The following PVT1 variants were observed in gnomAD, a reference collection of about 807,000 sequenced individuals.
PVT1 encodes Pvt1 oncogene.
intron 3 of PVT1, among the ~76,000 whole-genome samples, chr8:127,942,236 C>T (rs1208846234): frequency 3.9e-5 from 6 of 152,180 alleles, no homozygotes; most frequent in Admixed American, 2.0e-4. Context: ...AGAATTTCCA[C>T]GGCTTGCCTA....
intron 3 of PVT1, among the ~76,000 whole-genome samples, chr8:127,899,224 C>G (rs1293601188): frequency 6.6e-6 from 1 of 152,190 alleles, no homozygotes; most frequent in African/African-American, 2.4e-5. Flanking sequence ...GGCTTTCTGG[C>G]TCTGTGAGCT....
intron 3 of PVT1, among the ~76,000 whole-genome samples, chr8:127,963,051 G>A (rs1816664926): frequency 6.6e-6 from 1 of 152,148 alleles, no homozygotes. Context: ...TTGAGATCGG[G>A]CTGGCCAGCT....
chr8:128,039,015 A>G (rs1370912797), intron 4 of PVT1, among the ~76,000 whole-genome samples: 1 of 152,154 alleles, frequency 6.6e-6, no homozygotes, highest in Non-Finnish European at 1.5e-5. Context: ...GGCAGAAGGA[A>G]GGGGAGGGAC....
At chr8:127,899,772 C>T (rs1480745500) in intron 3 of PVT1, among the ~76,000 whole-genome samples, 1 of 152,124 alleles carries the variant, frequency 6.6e-6, no homozygotes, top group Non-Finnish European at 1.5e-5. Context: ...GGTCCGCCTC[C>T]CTCTTGTGCT....
intron 3 of PVT1, among the ~76,000 whole-genome samples, chr8:127,984,895 TTCTTTCTTTCTTTCTTTCTTTCTTTC>T (rs1563657525): frequency 2.2e-4 from 21 of 97,646 alleles, no homozygotes; most frequent in African/African-American, 7.2e-4. Flanking sequence ...CTTTCTTTCT[TTCTTTCTTTCTTTCTTTCTTTCTTTC>T]TCTTTCTCTT....
chr8:127,911,930 G>A (rs1271717727), intron 3 of PVT1, among the ~76,000 whole-genome samples: 1 of 152,214 alleles, frequency 6.6e-6, no homozygotes, highest in Admixed American at 6.5e-5. Flanking sequence ...GTTTACGGGT[G>A]GTGCTCGTTT....
rs78307659 is a variant in PVT1, at chr8:127,857,592, A to G, written n.373-32997A>G. Reference sequence around the variant, plus strand: ...TAGGTGAAAGAGGAGGAGATGGGAGAATTGGTTGAGCTCTGGAGTTGGAAG... The same window carrying G: ...TAGGTGAAAGAGGAGGAGATGGGAGGATTGGTTGAGCTCTGGAGTTGGAAG... On this transcript the variant is annotated intron_variant and non_coding_transcript_variant, in intron 2 of 10. Coordinates refer to ENST00000651587, the Ensembl canonical transcript of PVT1. 8.9e-3 allele frequency among the ~76,000 whole-genome samples: 1,347 copies of G among 152,178 alleles called. 23 individuals carry two copies. The highest frequency in any genetic ancestry group is 0.031 in the African/African-American group (1,271 of 41,500).
At chr8:127,934,694 C>T (rs533631021) in intron 3 of PVT1, among the ~76,000 whole-genome samples, 5 of 151,608 alleles carry the variant, frequency 3.3e-5, no homozygotes, top group African/African-American at 9.8e-5. Flanking sequence ...AGATTTCTAA[C>T]AGGATGAAGA....
intron 4 of PVT1, among the ~76,000 whole-genome samples, chr8:128,052,880 A>G (rs1271897340): frequency 6.6e-6 from 1 of 152,262 alleles, no homozygotes; most frequent in Non-Finnish European, 1.5e-5. Context: ...AAGGCTAAGT[A>G]ATGTGGTCTA....
At chr8:128,005,428 G>T (rs576832035) in intron 4 of PVT1, among the ~76,000 whole-genome samples, 1 of 152,286 alleles carries the variant, frequency 6.6e-6, no homozygotes, top group Admixed American at 6.5e-5. Context: ...GTGGGGCTTG[G>T]TGCAAGTTTA....
intron 3 of PVT1, among the ~76,000 whole-genome samples, chr8:127,943,730 A>T (rs951097606): frequency 6.6e-6 from 1 of 152,194 alleles, no homozygotes; most frequent in Non-Finnish European, 1.5e-5. Context: ...AGAACCACTA[A>T]TCTAGAGACC....
intron 3 of PVT1, among the ~76,000 whole-genome samples, chr8:127,960,959 G>GGGGGGGGGGGGGGCC (rs1816635745): frequency 1.1e-5 from 1 of 88,110 alleles, no homozygotes. Context: ...GGGCGGGCGG[G>GGGGGGGGGGGGGGCC]CACGAATAGG....
intron 4 of PVT1, among the ~76,000 whole-genome samples, chr8:128,037,112 C>G (rs1207746181): frequency 1.3e-5 from 2 of 152,204 alleles, no homozygotes; most frequent in African/African-American, 4.8e-5. Flanking sequence ...CTCCCCCAGG[C>G]AGTGGGAAGA....
chr8:127,824,112 T>C (rs894867133), intron 2 of PVT1, among the ~76,000 whole-genome samples: 1 of 152,120 alleles, frequency 6.6e-6, no homozygotes, highest in African/African-American at 2.4e-5. Flanking sequence ...GCCCAGGAGT[T>C]TGAGGCTGCA....
intron 3 of PVT1, among the ~76,000 whole-genome samples, chr8:127,988,202 T>C (rs1352011889): frequency 6.6e-6 from 1 of 152,248 alleles, no homozygotes; most frequent in East Asian, 1.9e-4. Context: ...GCAAGGATGT[T>C]TCACCAGCTA....
At chr8:128,054,450 AGGTATG>A (rs1049259629) in intron 4 of PVT1, among the ~76,000 whole-genome samples, 2 of 152,182 alleles carry the variant, frequency 1.3e-5, no homozygotes, top group African/African-American at 4.8e-5. Flanking sequence ...CAGAGAGGTG[AGGTATG>A]GCCCAAGGTC....
chr8:127,925,691 G>A (rs1156313038), intron 3 of PVT1, among the ~76,000 whole-genome samples: 2 of 151,998 alleles, frequency 1.3e-5, no homozygotes, highest in African/African-American at 4.8e-5. Context: ...GCCCAGGCTG[G>A]AGTGCAGTGG....
At chr8:127,905,733 C>T (rs962793629) in intron 3 of PVT1, among the ~76,000 whole-genome samples, 8 of 152,282 alleles carry the variant, frequency 5.3e-5, no homozygotes, top group Middle Eastern at 3.4e-3. Flanking sequence ...TGCTGTCACC[C>T]CCATTTCTCA....
chr8:127,860,784 AG>A (rs35712314), intron 2 of PVT1, among the ~76,000 whole-genome samples: 2 of 143,390 alleles, frequency 1.4e-5, no homozygotes, highest in African/African-American at 5.1e-5. Flanking sequence ...AAAAAAAAAA[AG>A]GAGAAGACAA....
Sources: gnomAD v4.1 joint callset for allele counts (sites outside exome capture counted in the v4.1 genomes callset) on GRCh38, gnomAD v4.1.1 for gene constraint, MANE v1.5 for transcripts, NCBI Gene and HGNC (gene_info 2026-07-23, HGNC 2026-07-21) for gene names.